Variants in PLEKHA1 observed in about 807,000 individuals in gnomAD.
The protein encoded by PLEKHA1 is pleckstrin homology domain containing A1, also known as pleckstrin homology domain-containing family A member 1.
Under a neutral mutation model 52.0 loss-of-function variants are expected in PLEKHA1, and 34 were observed. That is an observed-to-expected ratio of 0.65 (90% confidence interval 0.50 to 0.87). The LOEUF is 0.87. Ranked by LOEUF, PLEKHA1 falls within the 40% of genes least tolerant of loss-of-function variation. The pLI is 0.00. For synonymous variants in PLEKHA1, 163 were observed against 170.7 expected (o/e 0.95, Z 0.35); for missense variants, 497 against 504.2 (o/e 0.99, Z 0.14).
At chr10:122,419,265 G>GTAAA (rs1450100789) in intron 8 of PLEKHA1, 2 of 152,156 alleles carry the variant, frequency 1.3e-5, no homozygotes, top group Non-Finnish European at 2.9e-5. Flanking sequence ...CTTCTTAAGG[G>GTAAA]TAAAGACTCT....
Position 122,403,626 on chromosome 10 carries a change from A to T in PLEKHA1, c.245-2950A>T, listed in dbSNP as rs1346132160. Among the ~76,000 whole-genome samples the T allele has an allele frequency of 2.0e-5, 3 of 149,834 alleles. No homozygotes were observed. In the East Asian group the frequency reaches 5.9e-4, roughly 30 times the overall value. On this transcript the variant is annotated intron_variant, in intron 4 of 11. Coordinates refer to ENST00000368990, the MANE Select transcript of PLEKHA1 (RefSeq NM_001001974.4). The stretch of plus-strand genomic sequence containing the variant: ...GTTTTTTTTTTTTTATTGTTCAAAG[A>T]TTTTATTTCTTTCCCTTTCTCCCCT...
intron 3 of PLEKHA1, among the ~76,000 whole-genome samples, chr10:122,399,171 A>G (rs2096892401): frequency 6.6e-6 from 1 of 152,094 alleles, no homozygotes; most frequent in South Asian, 2.1e-4. Context: ...AAAAAAATTT[A>G]TTGTTCCAAA....
chr10:122,399,574 C>CTTTATT (rs113811329), intron 3 of PLEKHA1, among the ~76,000 whole-genome samples: 6 of 150,910 alleles, frequency 4.0e-5, no homozygotes, highest in East Asian at 2.0e-4. Context: ...GATTTGTGGA[C>CTTTATT]TTTATTTTTA....
chr10:122,395,528 CTT>C (rs2096838574), intron 2 of PLEKHA1, among the ~76,000 whole-genome samples: 1 of 151,892 alleles, frequency 6.6e-6, no homozygotes, highest in Non-Finnish European at 1.5e-5. Flanking sequence ...GTTATTGCAT[CTT>C]GACATAAGCA....
intron 7 of PLEKHA1, among the ~76,000 whole-genome samples, chr10:122,416,538 A>G (rs989995821): frequency 1.3e-5 from 2 of 152,136 alleles, no homozygotes; most frequent in Admixed American, 1.3e-4. Context: ...TTTTTAAGAG[A>G]TGTAAATAAG....
intron 1 of PLEKHA1, among the ~76,000 whole-genome samples, chr10:122,381,312 T>C (rs1225031625): frequency 6.6e-6 from 1 of 152,106 alleles, no homozygotes; most frequent in Non-Finnish European, 1.5e-5. Flanking sequence ...TGCTGATGGA[T>C]TGGACATGGG....
intron 10 of PLEKHA1, 198 bp downstream of exon 10, chr10:122,425,157 G>C: frequency 2.5e-6 from 1 of 392,378 alleles, no homozygotes; most frequent in Non-Finnish European, 4.5e-6. Context: ...TATTTGTTAT[G>C]AATTAGTGAA....
intron 11 of PLEKHA1, among the ~76,000 whole-genome samples, chr10:122,427,730 G>A (rs1478417435): frequency 2.0e-5 from 3 of 151,982 alleles, no homozygotes; most frequent in Non-Finnish European, 4.4e-5. Context: ...ATTTGCATTT[G>A]GAATACTTTG....
chr10:122,401,205 A>AC (rs2096923883), intron 4 of PLEKHA1, among the ~76,000 whole-genome samples: 2 of 152,214 alleles, frequency 1.3e-5, no homozygotes, highest in African/African-American at 4.8e-5. Context: ...CTAGAGAGTA[A>AC]AAAGGCAGGC....
intron 7 of PLEKHA1, 75 bp downstream of exon 7, chr10:122,416,077 T>A: frequency 6.8e-7 from 1 of 1,460,964 alleles, no homozygotes; most frequent in African/African-American, 1.4e-5. Context: ...ACATGGAAAT[T>A]GTTTGCTTTA....
intron 1 of PLEKHA1, among the ~76,000 whole-genome samples, chr10:122,383,711 C>T (rs2096649044): frequency 6.6e-6 from 1 of 152,014 alleles, no homozygotes. Flanking sequence ...GTTATCACAC[C>T]AAAAATAATG....
rs1217015529 is a variant in PLEKHA1 at position 122,431,702 on chromosome 10, T to G, written c.*1764T>G. On this transcript the variant is annotated 3_prime_UTR_variant, in exon 12 of 12. Transcript: ENST00000368990. The stretch of plus-strand genomic sequence containing the variant: ...GCATAAAGAATGCACCACTCAACTT[T>G]TTTATTCATAAGCTAATATTTTTTT... 6.6e-6 allele frequency: 1 copy of G among 152,660 alleles called. No homozygotes were observed. Among genetic ancestry groups the G allele is most frequent in the East Asian group, 1.9e-4 (1 of 5,200 alleles). 9.5% of individuals were successfully genotyped at this position (152,660 alleles called of 1,614,324 possible).
intron 1 of PLEKHA1, among the ~76,000 whole-genome samples, chr10:122,391,861 T>C (rs571645915): frequency 2.6e-5 from 4 of 152,298 alleles, no homozygotes; most frequent in East Asian, 3.9e-4. Context: ...TTAAAACTTT[T>C]TGGTGTATTT....
chr10:122,375,129 C>A (rs2096506541), intron 1 of PLEKHA1, among the ~76,000 whole-genome samples: 1 of 151,348 alleles, frequency 6.6e-6, no homozygotes, highest in Non-Finnish European at 1.5e-5. Flanking sequence ...CAGCGGCGCC[C>A]GGCGGGGGAG....
intron 1 of PLEKHA1, among the ~76,000 whole-genome samples, chr10:122,376,650 C>A (rs2096542687): frequency 1.3e-5 from 2 of 151,902 alleles, no homozygotes; most frequent in Admixed American, 6.5e-5. Context: ...AGGTTTGTAT[C>A]TTTTTTTCTC....
At chr10:122,376,556 C>T (rs945098358) in intron 1 of PLEKHA1, among the ~76,000 whole-genome samples, 1 of 150,126 alleles carries the variant, frequency 6.7e-6, no homozygotes, top group Non-Finnish European at 1.5e-5. Context: ...TGTGTATACA[C>T]ACCGCGCGGG....
intron 1 of PLEKHA1, among the ~76,000 whole-genome samples, chr10:122,383,120 T>C (rs1488844755): frequency 1.3e-5 from 2 of 152,128 alleles, no homozygotes; most frequent in Non-Finnish European, 2.9e-5. Flanking sequence ...AACTTTTCTA[T>C]TATGGAGATT....
chr10:122,386,070 A>G (rs1444835212), intron 1 of PLEKHA1, among the ~76,000 whole-genome samples: 3 of 152,192 alleles, frequency 2.0e-5, no homozygotes, highest in East Asian at 1.9e-4. Flanking sequence ...CTGTTTTCCA[A>G]AGTTGCTATG....
intron 2 of PLEKHA1, among the ~76,000 whole-genome samples, chr10:122,394,476 CA>C (rs1028455570): frequency 2.0e-5 from 3 of 152,112 alleles, no homozygotes; most frequent in Non-Finnish European, 2.9e-5. Flanking sequence ...GAATCTCTAG[CA>C]GACTTCTAAG....
Sources: gnomAD v4.1 joint callset for allele counts (sites outside exome capture counted in the v4.1 genomes callset) on GRCh38, gnomAD v4.1.1 for gene constraint, MANE v1.5 for transcripts, NCBI Gene and HGNC (gene_info 2026-07-23, HGNC 2026-07-21) for gene names.